OR56A1: variants seen among roughly 807,000 people sequenced by gnomAD.
OR56A1 encodes the protein olfactory receptor 56A1.
For missense variants in OR56A1, 360 were observed against 380.9 expected (o/e 0.94, Z 0.46); for synonymous variants, 174 against 159.1 (o/e 1.09, Z -0.70).
At chr11:6,031,044 T>A (rs1243627509), upstream of OR56A1, among the ~76,000 whole-genome samples, 1 of 152,198 alleles carries the variant, frequency 6.6e-6, no homozygotes, top group East Asian at 1.9e-4. Context: ...AAAGAGAAGC[T>A]TTCCTAAAGC....
chr11:6,023,851 G>A lies in OR56A1; in HGVS notation c.*2897C>T, dbSNP rs1848420248. ...GGACATGTTTTAACATTTTGCTATG[G>A]GAACTTCACAGCAGAGTTGGGTCTG... On this transcript the variant is annotated 3_prime_UTR_variant, in exon 2 of 2. Transcript: ENST00000641900. 1 of 152,164 alleles carries A rather than the reference G, an allele frequency of 6.6e-6. No homozygotes were observed. The highest frequency in any genetic ancestry group is 2.1e-4 in the South Asian group (1 of 4,832). 9.4% of individuals were successfully genotyped at this position (152,164 alleles called of 1,614,324 possible).
At position 6,021,545 on chromosome 11, in the gene OR56A1, ATTAT is replaced by A. The variant is rs1325820527; in HGVS notation, c.*5199_*5202del. 15 of 152,112 alleles carry A rather than the reference ATTAT, an allele frequency of 9.9e-5. No individual in the cohort carries two copies. Among genetic ancestry groups the A allele is most frequent in the Non-Finnish European group, 1.5e-5 (1 of 67,994 alleles). The allele number at this position is 152,112 out of a possible 1,614,324, so 9.4% of individuals were successfully genotyped here. A position where few individuals can be genotyped will look rare whatever the true frequency, so the allele number is the denominator to read the frequency against. Reference sequence around the variant, plus strand: ...TTTAAAATGAATAATTAAATAAAAAATTATTTAAAGTACTGATACTAATATTTTA... The same window carrying A: ...TTTAAAATGAATAATTAAATAAAAAATTAAAGTACTGATACTAATATTTTA... On this transcript the variant is annotated 3_prime_UTR_variant, in exon 2 of 2. Transcript: ENST00000641900.
rs1346276852 is a variant in OR56A1 at position 6,027,741 on chromosome 11, A to G, written c.-34-15T>C. 7.2e-7 allele frequency: 1 copy of G among 1,387,210 alleles called. No homozygotes were observed. The highest frequency in any genetic ancestry group is 1.4e-5 in the African/African-American group (1 of 69,004). The allele number at this position is 1,387,210 out of a possible 1,614,324, so 85.9% of individuals were successfully genotyped here. Reference sequence around the variant, plus strand: ...GCTTCTGATGACTATGTTTATGGGCAGATACAAGAGGTTATTTTTACAAAT... The same window carrying G: ...GCTTCTGATGACTATGTTTATGGGCGGATACAAGAGGTTATTTTTACAAAT... On this transcript the variant is annotated splice_polypyrimidine_tract_variant and intron_variant, in intron 1 of 1. Coordinates refer to ENST00000641900, the MANE Select transcript of OR56A1 (RefSeq NM_001388488.1).
rs1022571806 is a variant in OR56A1, at chr11:6,021,862, C to A, written c.*4886G>T. On this transcript the variant is annotated 3_prime_UTR_variant, in exon 2 of 2. Coordinates refer to ENST00000641900, the MANE Select transcript of OR56A1 (RefSeq NM_001388488.1). ...AAGTAAAAATATTGCAATATCTGCTCCTAAAGCATTCTCGCATTACTATTA... is the reference window on the plus strand; with the variant it reads ...AAGTAAAAATATTGCAATATCTGCTACTAAAGCATTCTCGCATTACTATTA... 3.9e-5 allele frequency: 6 copies of A among 152,114 alleles called. No individual in the cohort carries two copies. The highest frequency in any genetic ancestry group is 7.2e-5 in the African/African-American group (3 of 41,428). 9.4% of individuals were successfully genotyped at this position (152,114 alleles called of 1,614,324 possible).
rs934642976 is a variant in OR56A1 at position 6,024,131 on chromosome 11, C to G, written c.*2617G>C. 5 of 152,196 alleles carry G rather than the reference C, an allele frequency of 3.3e-5. No individual in the cohort carries two copies. Among genetic ancestry groups the G allele is most frequent in the Admixed American group, 3.3e-4 (5 of 15,290 alleles). The allele number at this position is 152,196 out of a possible 1,614,324, so 9.4% of individuals were successfully genotyped here. On this transcript the variant is annotated 3_prime_UTR_variant, in exon 2 of 2. Transcript: ENST00000641900. Reference sequence around the variant, plus strand: ...TGGGGAACTAGAGATTAAAGATAGACATGATTTTTCAACTCTTCTTTTAGC... The same window carrying G: ...TGGGGAACTAGAGATTAAAGATAGAGATGATTTTTCAACTCTTCTTTTAGC...
chr11:6,019,665 C>T lies in OR56A1; in HGVS notation c.*7083G>A, dbSNP rs181572193. On this transcript the variant is annotated 3_prime_UTR_variant, in exon 2 of 2. Transcript: ENST00000641900. ...GAATTATGGGTGCAGGAAAGACCCA[C>T]CCCCATAATTAAATTGCCTCCCAAT... The T allele has an allele frequency of 6.6e-6, 1 of 152,148 alleles. No homozygotes were observed. Among genetic ancestry groups the T allele is most frequent in the East Asian group, 1.9e-4 (1 of 5,176 alleles). 9.4% of individuals were successfully genotyped at this position (152,148 alleles called of 1,614,324 possible). A position where few individuals can be genotyped will look rare whatever the true frequency, so the allele number is the denominator to read the frequency against.
chr11:6,028,384 A>G (rs1194147535), intron 1 of OR56A1, among the ~76,000 whole-genome samples: 2 of 151,952 alleles, frequency 1.3e-5, no homozygotes, highest in Non-Finnish European at 2.9e-5. Flanking sequence ...TAAATATTGC[A>G]CCCTACAAAT....
chr11:6,030,439 G>A (rs1384075934), intron 1 of OR56A1, among the ~76,000 whole-genome samples: 1 of 151,882 alleles, frequency 6.6e-6, no homozygotes, highest in Non-Finnish European at 1.5e-5. Context: ...AGATTGCTAG[G>A]TACACATAGT....
In OR56A1 at chr11:6,026,895, CACGTTTGTCA is replaced by C; in HGVS notation, c.788_797del (p.Leu263TrpfsTer11). 6.2e-7 allele frequency: 1 copy of C among 1,614,124 alleles called. No individual in the cohort carries two copies. The highest frequency in any genetic ancestry group is 1.1e-5 in the South Asian group (1 of 91,086). On this transcript the variant is annotated frameshift_variant, in exon 2 of 2. Coordinates refer to ENST00000641900, the MANE Select transcript of OR56A1 (RefSeq NM_001388488.1). LOFTEE classifies it low-confidence loss of function (END_TRUNC). Reference sequence around the variant, plus strand: ...TGTCCATGGGGACCTTCTTTCTGGCCACGTTTGTCAACACCACAACCAGCAGTATGGTGCT... The same window carrying C: ...TGTCCATGGGGACCTTCTTTCTGGCCACACCACAACCAGCAGTATGGTGCT...
rs1435491268 is a variant in OR56A1 at position 6,027,569 on chromosome 11, T to A, written c.124A>T (p.Met42Leu). 6.2e-6 allele frequency: 10 copies of A among 1,613,828 alleles called. No homozygotes were observed. The highest frequency in any genetic ancestry group is 7.6e-6 in the Non-Finnish European group (9 of 1,179,992). ...ATCAGGAGGGTGGTGTTAGCTCCCA[T>A]GGCCAGGAGGAAGAGAAGGCTGAGG... ...LPLSLLFLLA[M>L]GANTTLLITI... Residue 42 changes from methionine (M) to leucine (L), a missense_variant, in exon 2 of 2, where the codon ATG (methionine) becomes TTG (leucine). Coordinates refer to ENST00000641900, the MANE Select transcript of OR56A1 (RefSeq NM_001388488.1).
chr11:6,029,379 T>C (rs1277182669), intron 1 of OR56A1, among the ~76,000 whole-genome samples: 1 of 152,152 alleles, frequency 6.6e-6, no homozygotes, highest in East Asian at 1.9e-4. Context: ...TCTTCAAGAA[T>C]TGATCCCATC....
intron 1 of OR56A1, among the ~76,000 whole-genome samples, chr11:6,029,511 C>T (rs1848492597): frequency 6.6e-6 from 1 of 152,188 alleles, no homozygotes; most frequent in Non-Finnish European, 1.5e-5. Context: ...CCACAACTCA[C>T]TTCAATTTGG....
chr11:6,033,101 C>T (rs1310358794), upstream of OR56A1, among the ~76,000 whole-genome samples: 5 of 152,070 alleles, frequency 3.3e-5, no homozygotes, highest in Non-Finnish European at 7.4e-5. Context: ...AGTCATCACA[C>T]ATTAGCCTTT....
chr11:6,026,491 C>T lies in OR56A1; in HGVS notation c.*257G>A. Reference sequence around the variant, plus strand: ...TGTGAAATGAAAGTAACAATGCCTGCAGAGATGTGTTGAAGATTAAATTAC... The same window carrying T: ...TGTGAAATGAAAGTAACAATGCCTGTAGAGATGTGTTGAAGATTAAATTAC... On this transcript the variant is annotated 3_prime_UTR_variant, in exon 2 of 2. Transcript: ENST00000641900. 1 of 421,378 alleles carries T rather than the reference C, an allele frequency of 2.4e-6. No individual in the cohort carries two copies. Among genetic ancestry groups the T allele is most frequent in the Non-Finnish European group, 4.2e-6 (1 of 237,204 alleles). 26.1% of individuals were successfully genotyped at this position (421,378 alleles called of 1,614,324 possible).
Position 6,026,997 on chromosome 11 carries a change from T to C in OR56A1, c.696A>G (p.Lys232=). The change falls in exon 2 of 2, where the codon AAA becomes AAG. Residue 232 remains lysine (K), a synonymous_variant. Transcript: ENST00000641900. ...GGGCCTTCACTGCCGCCCCCTCTGC[T>C]TTGAATCTAAGCACAGCTCTTAGAA... is the stretch of plus-strand genomic sequence containing the variant. ...TFILRAVLRF[K]AEGAAVKALS... 5 of 1,614,120 alleles carry C rather than the reference T, an allele frequency of 3.1e-6. No individual in the cohort carries two copies. Among genetic ancestry groups the C allele is most frequent in the Non-Finnish European group, 4.2e-6 (5 of 1,179,958 alleles).
chr11:6,031,214 A>G (rs1848508513), upstream of OR56A1, among the ~76,000 whole-genome samples: 1 of 152,192 alleles, frequency 6.6e-6, no homozygotes, highest in Admixed American at 6.5e-5. Flanking sequence ...ATTTAATCTG[A>G]CTGGAGCCAA....
At chr11:6,032,987 T>A (rs1477020134), upstream of OR56A1, among the ~76,000 whole-genome samples, 1 of 152,122 alleles carries the variant, frequency 6.6e-6, no homozygotes, top group Non-Finnish European at 1.5e-5. Context: ...CTGAGGTACA[T>A]CCCCCTTAAT....
chr11:6,019,999 A>T lies in OR56A1; in HGVS notation c.*6749T>A, dbSNP rs1394459642. The T allele has an allele frequency of 1.3e-5, 2 of 152,128 alleles. No individual in the cohort carries two copies. Among genetic ancestry groups the T allele is most frequent in the Non-Finnish European group, 2.9e-5 (2 of 67,986 alleles). 9.4% of individuals were successfully genotyped at this position (152,128 alleles called of 1,614,324 possible). On this transcript the variant is annotated 3_prime_UTR_variant, in exon 2 of 2. Transcript: ENST00000641900. Reference sequence around the variant, plus strand: ...AATAGGACACAGTCTTAATTCTATTATAAGCATCCTGGTAAATGTAAGAGC... The same window carrying T: ...AATAGGACACAGTCTTAATTCTATTTTAAGCATCCTGGTAAATGTAAGAGC...
Position 6,023,317 on chromosome 11 carries a change from A to G in OR56A1, c.*3431T>C, listed in dbSNP as rs1356112936. The G allele has an allele frequency of 6.6e-6, 1 of 152,352 alleles. No homozygotes were observed. The highest frequency in any genetic ancestry group is 1.9e-4 in the East Asian group (1 of 5,190). The allele number at this position is 152,352 out of a possible 1,614,324, so 9.4% of individuals were successfully genotyped here. A position where few individuals can be genotyped will look rare whatever the true frequency, so the allele number is the denominator to read the frequency against. On this transcript the variant is annotated 3_prime_UTR_variant, in exon 2 of 2. Coordinates refer to ENST00000641900, the MANE Select transcript of OR56A1 (RefSeq NM_001388488.1). ...AATATACACCAAAGCATAATAAAGT[A>G]TCAGGATGGCTAGGCACTAAAAAGC...
Sources: allele counts gnomAD v4.1 joint callset (sites outside exome capture counted in the v4.1 genomes callset), GRCh38; gene constraint gnomAD v4.1.1; transcripts MANE v1.5; gene names NCBI Gene and HGNC (gene_info 2026-07-23, HGNC 2026-07-21).